The following OPHN1 variants were observed in gnomAD, a reference collection of about 807,000 sequenced individuals.
OPHN1 encodes oligophrenin-1.
In OPHN1, 11 loss-of-function variants were observed where a neutral mutation model predicts 60.7. That is an observed-to-expected ratio of 0.18 (90% CI 0.11 to 0.30). The LOEUF is 0.30. OPHN1 is among the 10% of genes least tolerant of loss of function. OPHN1 has a pLI of 1.00. For missense variants in OPHN1, 449 were observed against 611.0 expected (o/e 0.73, Z 2.80); for synonymous variants, 226 against 222.6 (o/e 1.02, Z -0.14).
At chrX:68,396,609 G>A (rs977006391) in intron 2 of OPHN1, among the ~76,000 whole-genome samples, 132 of 109,407 alleles carry the variant, frequency 1.2e-3, no homozygotes, top group Admixed American at 4.1e-3. Flanking sequence ...GAGGTCAGGA[G>A]TTTGAGACCA....
chrX:68,289,246 AG>A (rs1418290826), intron 3 of OPHN1, among the ~76,000 whole-genome samples: 1 of 111,919 alleles, frequency 8.9e-6, no homozygotes, highest in African/African-American at 3.2e-5. Flanking sequence ...TACCAATCCA[AG>A]AATTTTCTTT....
chrX:68,286,831 C>T (rs146827557), intron 3 of OPHN1, among the ~76,000 whole-genome samples: 1 of 109,922 alleles, frequency 9.1e-6, no homozygotes, highest in African/African-American at 3.3e-5. Flanking sequence ...GCCTGGCCAA[C>T]GTGGAGAAAC....
intron 17 of OPHN1, chrX:68,112,304 T>C (rs1180916828): frequency 1.3e-5 from 2 of 159,431 alleles, no homozygotes; most frequent in Non-Finnish European, 2.3e-5. Context: ...AAATAGAAGA[T>C]AGAAAAGAGA....
At chrX:68,205,384 G>A (rs955826382) in intron 10 of OPHN1, among the ~76,000 whole-genome samples, 4 of 111,006 alleles carry the variant, frequency 3.6e-5, no homozygotes, top group African/African-American at 1.3e-4. Flanking sequence ...GGAGGTGGAG[G>A]TTGCTGTGAG....
At position 68,317,422 on chromosome X, in the gene OPHN1, A is replaced by AGGAG. The variant is rs1223246600; in HGVS notation, c.155-18330_155-18327dup. 1.8e-3 allele frequency among the ~76,000 whole-genome samples: 158 copies of AGGAG among 89,904 alleles called. 5 individuals are homozygous for AGGAG. The highest frequency in any genetic ancestry group is 6.8e-3 in the African/African-American group (149 of 21,891). The allele number at this position is 89,904 out of a possible 115,157, so 78.1% of individuals were successfully genotyped here. On this transcript the variant is annotated intron_variant, in intron 2 of 24. Transcript: ENST00000355520. ...AAGGAAGGAAGGAAGGAAGGAAGGA[A>AGGAG]GGAGCGAGGGGAAAAGAAAAGAAAA...
At chrX:68,225,776 C>T (rs1281311299) in intron 6 of OPHN1, among the ~76,000 whole-genome samples, 1 of 111,926 alleles carries the variant, frequency 8.9e-6, no homozygotes, top group East Asian at 2.8e-4. Flanking sequence ...GGGGAGAAAC[C>T]AGAGCAGAAA....
chrX:68,159,088 G>T (rs185698194), intron 15 of OPHN1, among the ~76,000 whole-genome samples: 1 of 111,476 alleles, frequency 9.0e-6, no homozygotes, highest in Admixed American at 9.5e-5. Context: ...CATATGTTCT[G>T]CCCACGGGGA....
At chrX:68,126,328 C>T (rs1409799301) in intron 15 of OPHN1, among the ~76,000 whole-genome samples, 1 of 111,261 alleles carries the variant, frequency 9.0e-6, no homozygotes, top group African/African-American at 3.3e-5. Flanking sequence ...AAGACACTGT[C>T]AACTCCAATT....
chrX:68,237,934 T>C (rs1715901344), intron 5 of OPHN1, among the ~76,000 whole-genome samples: 1 of 112,482 alleles, frequency 8.9e-6, no homozygotes, highest in Admixed American at 9.4e-5. Flanking sequence ...TTTTGTTCTT[T>C]ACCATAGAGG....
rs770702976 is a variant in OPHN1 at position 68,125,177 on chromosome X, T to C, written c.1277-5845A>G. Among the ~76,000 whole-genome samples, 16 of 111,323 alleles carry C rather than the reference T, an allele frequency of 1.4e-4. No individual in the cohort carries two copies. The South Asian group carries it at 4.2e-3, about 29-fold the overall frequency. ...AATGGAAATGTAATATACTAAAACGTATGGGATACAGTAAAAGCAGTACTA... is the reference window on the plus strand; with the variant it reads ...AATGGAAATGTAATATACTAAAACGCATGGGATACAGTAAAAGCAGTACTA... On this transcript the variant is annotated intron_variant, in intron 15 of 24. Transcript: ENST00000355520.
intron 19 of OPHN1, among the ~76,000 whole-genome samples, chrX:68,093,197 C>T (rs897504967): frequency 5.4e-5 from 6 of 111,239 alleles, no homozygotes; most frequent in Non-Finnish European, 7.6e-5. Context: ...TAACAAAGAT[C>T]TAGAGGTGGT....
At chrX:68,192,689 T>C (rs1323400093) in intron 15 of OPHN1, 3 of 393,320 alleles carry the variant, frequency 7.6e-6, no homozygotes, top group African/African-American at 7.6e-5. Context: ...AGAAGTTGTA[T>C]TGCTGAGGGT....
At chrX:68,058,042 T>C (rs1416727504) in intron 21 of OPHN1, among the ~76,000 whole-genome samples, 1 of 111,614 alleles carries the variant, frequency 9.0e-6, no homozygotes, top group Non-Finnish European at 1.9e-5. Flanking sequence ...GCTCGTTACA[T>C]AGGCTCGTTA....
At chrX:68,151,093 T>C (rs1292309001) in intron 15 of OPHN1, among the ~76,000 whole-genome samples, 1 of 111,364 alleles carries the variant, frequency 9.0e-6, no homozygotes, top group Admixed American at 9.6e-5. Flanking sequence ...CAGCACACAG[T>C]GTAACAGTGG....
chrX:68,201,804 G>A (rs1046650552), intron 10 of OPHN1, 94 bp from the exon 11 acceptor site: 65 of 692,893 alleles, frequency 9.4e-5, no homozygotes, highest in Admixed American at 3.0e-4. Context: ...CTTGGAAGGC[G>A]TCTGGTCAAG....
intron 15 of OPHN1, among the ~76,000 whole-genome samples, chrX:68,174,469 C>CTTTT (rs767690922): frequency 3.8e-4 from 29 of 76,309 alleles, no homozygotes; most frequent in East Asian, 1.4e-3. Context: ...TTAACTTATT[C>CTTTT]TTTTTTTTTT....
chrX:68,351,895 G>A (rs1343833185), intron 2 of OPHN1, among the ~76,000 whole-genome samples: 5 of 19,038 alleles, frequency 2.6e-4, no homozygotes, highest in Non-Finnish European at 4.7e-4. Context: ...TTTTTTTTTT[G>A]AGACGGAGTC....
intron 2 of OPHN1, among the ~76,000 whole-genome samples, chrX:68,407,276 G>C (rs1272602559): frequency 1.8e-5 from 2 of 112,290 alleles, no homozygotes; most frequent in African/African-American, 6.5e-5. Context: ...CGACAGACCT[G>C]GGTTCTAGCC....
intron 3 of OPHN1, among the ~76,000 whole-genome samples, chrX:68,285,203 C>A (rs1392919511): frequency 1.8e-5 from 2 of 111,374 alleles, no homozygotes; most frequent in Non-Finnish European, 3.8e-5. Context: ...TTATTATATT[C>A]TTTTTCTGTT....
Sources: allele counts gnomAD v4.1 joint callset (sites outside exome capture counted in the v4.1 genomes callset), GRCh38; gene constraint gnomAD v4.1.1; transcripts MANE v1.5; gene names NCBI Gene and HGNC (gene_info 2026-07-23, HGNC 2026-07-21).